Variants in CTNNA1 observed in about 807,000 individuals in gnomAD.
The protein encoded by CTNNA1 is catenin alpha-1.
A neutral mutation model predicts 98.4 loss-of-function variants in CTNNA1; 37 were observed. The observed-to-expected ratio is 0.38, with a 90% CI of 0.29 to 0.49. The LOEUF (loss-of-function observed/expected upper bound fraction) is 0.49. CTNNA1 is among the 20% of genes least tolerant of loss of function. The probability of loss-of-function intolerance (pLI) is 0.95; values close to 1 mark genes in which losing one functional copy is unlikely to be tolerated. For missense variants in CTNNA1, 761 were observed against 1,147.2 expected, an observed-to-expected ratio of 0.66 and a Z score of 4.86; for synonymous variants, 404 against 413.2, an observed-to-expected ratio of 0.98 and a Z score of 0.27.
chr5:138,814,586 A>C (rs963426172), intron 5 of CTNNA1, among the ~76,000 whole-genome samples: 1 of 152,220 alleles, frequency 6.6e-6, no homozygotes, highest in Admixed American at 6.5e-5. Flanking sequence ...TATGTGAAGT[A>C]AATATTAAGT....
At chr5:138,870,113 G>T (rs528239826) in intron 7 of CTNNA1, 3 of 152,158 alleles carry the variant, frequency 2.0e-5, no homozygotes, top group Admixed American at 6.5e-5. Flanking sequence ...GAAAAAAAAT[G>T]GAGTGGGTAG....
chr5:138,900,255 AGAT>A (rs1757751752), intron 9 of CTNNA1, among the ~76,000 whole-genome samples: 1 of 152,188 alleles, frequency 6.6e-6, no homozygotes, highest in South Asian at 2.1e-4. Context: ...ACAGGGGAAG[AGAT>A]GAATGTTTTG....
At chr5:138,804,602 T>G (rs1322115329) in intron 3 of CTNNA1, among the ~76,000 whole-genome samples, 1 of 152,274 alleles carries the variant, frequency 6.6e-6, no homozygotes, top group Non-Finnish European at 1.5e-5. Context: ...TGAAAGTTCA[T>G]CCATGTTGCA....
chr5:138,894,011 G>A (rs1429899507), intron 9 of CTNNA1, among the ~76,000 whole-genome samples: 3 of 151,920 alleles, frequency 2.0e-5, no homozygotes, highest in East Asian at 3.9e-4. Flanking sequence ...TTCGCCTCCC[G>A]GTTCAAGCAA....
In CTNNA1 at chr5:138,904,362, C is replaced by T. The variant is rs138782455; in HGVS notation, c.1310C>T (p.Ala437Val). The change falls in exon 10 of 18, where the codon GCC (alanine) becomes GTC (valine). Residue 437 changes from alanine to valine, a missense_variant. Physicochemically the swap from Ala to Val is moderately conservative, Grantham distance 64. Coordinates refer to ENST00000302763, the MANE Select transcript of CTNNA1 (RefSeq NM_001903.5). Reference sequence around the variant, plus strand: ...TTATGTTTATAGGTTGCCAACTTGGCCTGTTCCATCTCAAATAATGAAGAA... The same window carrying T: ...TTATGTTTATAGGTTGCCAACTTGGTCTGTTCCATCTCAAATAATGAAGAA... ...ANKLIEVANL[A>V]CSISNNEEGV... 2.1e-4 allele frequency: 333 copies of T among 1,613,522 alleles called. 3 individuals carry two copies. Among genetic ancestry groups the T allele is most frequent in the Non-Finnish European group, 2.1e-5 (25 of 1,179,734 alleles).
chr5:138,834,273 C>T (rs1409823399), intron 7 of CTNNA1, among the ~76,000 whole-genome samples: 1 of 152,042 alleles, frequency 6.6e-6, no homozygotes, highest in African/African-American at 2.4e-5. Flanking sequence ...TATAAAAGTT[C>T]TGTGTTCATT....
At chr5:138,836,329 C>G (rs578225298) in intron 7 of CTNNA1, among the ~76,000 whole-genome samples, 74 of 152,306 alleles carry the variant, frequency 4.9e-4, no homozygotes, top group Admixed American at 1.4e-3. Context: ...ATAATGCCCT[C>G]CAAGTTCATC....
chr5:138,777,125 C>T (rs1366978329), intron 1 of CTNNA1, among the ~76,000 whole-genome samples: 3 of 151,982 alleles, frequency 2.0e-5, no homozygotes, highest in Non-Finnish European at 4.4e-5. Context: ...GGCGGAGGGT[C>T]TCCTCACTTC....
At chr5:138,766,726 G>A (rs895656246) in intron 1 of CTNNA1, among the ~76,000 whole-genome samples, 1 of 152,036 alleles carries the variant, frequency 6.6e-6, no homozygotes, top group Non-Finnish European at 1.5e-5. Flanking sequence ...GAGTATAGAG[G>A]GGATGCTTGG....
At chr5:138,777,226 C>A (rs1469028101) in intron 1 of CTNNA1, among the ~76,000 whole-genome samples, 1,617 of 114,184 alleles carry the variant, frequency 0.014, no homozygotes, top group South Asian at 0.022. Flanking sequence ...GACGGGGCGG[C>A]GGGGCAGAGG....
chr5:138,808,895 A>T (rs542981741), intron 3 of CTNNA1, among the ~76,000 whole-genome samples: 12 of 152,276 alleles, frequency 7.9e-5, no homozygotes, highest in Admixed American at 7.2e-4. Context: ...CTGTAAGAAA[A>T]GAGTGGCAAT....
At position 138,812,163 on chromosome 5, in the gene CTNNA1, G is replaced by A. The variant is rs1758884414; in HGVS notation, c.469-20G>A. On this transcript the variant is annotated intron_variant, in intron 4 of 17. Coordinates refer to ENST00000302763, the MANE Select transcript of CTNNA1 (RefSeq NM_001903.5). ...CTACATTCAGAATTTTTGGGTTTTGGGGTCTTTCTTATTTTATAGGTGGAA... is the reference window on the plus strand; with the variant it reads ...CTACATTCAGAATTTTTGGGTTTTGAGGTCTTTCTTATTTTATAGGTGGAA... 6.2e-7 allele frequency: 1 copy of A among 1,606,406 alleles called. No individual in the cohort carries two copies.
At chr5:138,772,072 G>A (rs1245732777) in intron 1 of CTNNA1, among the ~76,000 whole-genome samples, 5 of 152,180 alleles carry the variant, frequency 3.3e-5, no homozygotes, top group Admixed American at 1.3e-4. Context: ...GAGAAGGTAC[G>A]TAGTTCTTTG....
At chr5:138,908,978 G>C (rs1476743750) in intron 10 of CTNNA1, among the ~76,000 whole-genome samples, 1 of 152,050 alleles carries the variant, frequency 6.6e-6, no homozygotes, top group Non-Finnish European at 1.5e-5. Flanking sequence ...TTTTGCTTGT[G>C]AATGTGCCCG....
intron 3 of CTNNA1, among the ~76,000 whole-genome samples, chr5:138,804,506 T>C (rs1757888297): frequency 6.6e-6 from 1 of 152,212 alleles, no homozygotes; most frequent in Non-Finnish European, 1.5e-5. Context: ...AGCATTACCT[T>C]CTGTCTCTAT....
chr5:138,897,582 G>A (rs1371335749), intron 9 of CTNNA1, among the ~76,000 whole-genome samples: 1 of 152,060 alleles, frequency 6.6e-6, no homozygotes, highest in Admixed American at 6.6e-5. Context: ...AATTTTAAAT[G>A]AAGCTTCAGT....
chr5:138,794,105 C>A (rs1029394167), intron 3 of CTNNA1, among the ~76,000 whole-genome samples: 1 of 151,612 alleles, frequency 6.6e-6, no homozygotes, highest in East Asian at 1.9e-4. Context: ...GCAACCTCCG[C>A]CTCCCGGGTT....
chr5:138,831,164 C>G (rs541694977), intron 7 of CTNNA1, among the ~76,000 whole-genome samples: 13 of 152,280 alleles, frequency 8.5e-5, no homozygotes, highest in Non-Finnish European at 1.8e-4. Flanking sequence ...TATGGACACA[C>G]ATTCGTAAAG....
chr5:138,927,580 C>T (rs1764366521), intron 13 of CTNNA1, among the ~76,000 whole-genome samples: 1 of 151,464 alleles, frequency 6.6e-6, no homozygotes, highest in Admixed American at 6.6e-5. Flanking sequence ...TAGCACTGGT[C>T]ACTTTTGATG....
Sources: gnomAD v4.1 joint callset for allele counts (sites outside exome capture counted in the v4.1 genomes callset) on GRCh38, gnomAD v4.1.1 for gene constraint, MANE v1.5 for transcripts, NCBI Gene and HGNC (gene_info 2026-07-23, HGNC 2026-07-21) for gene names.